The following NEK3 variants were observed in gnomAD, a reference collection of about 807,000 sequenced individuals.
NEK3 encodes the protein serine/threonine-protein kinase Nek3.
In NEK3, 54 loss-of-function variants were observed where a neutral mutation model predicts 66.0. That is an observed-to-expected ratio of 0.82 (90% CI 0.66 to 1.03). NEK3 has a LOEUF of 1.03. Ranked by LOEUF, NEK3 falls within the 50% of genes least tolerant of loss-of-function variation. The pLI is 0.00. For synonymous variants in NEK3, 200 were observed against 206.2 expected (o/e 0.97, Z 0.26); for missense variants, 593 against 603.0 (o/e 0.98, Z 0.17).
At chr13:52,144,620 T>G in intron 9 of NEK3, 71 bp downstream of exon 9, 1 of 1,205,264 alleles carries the variant, frequency 8.3e-7, no homozygotes, top group Non-Finnish European at 1.2e-6. Flanking sequence ...TAATGTATAA[T>G]GTTAAAAGAT....
intron 11 of NEK3, among the ~76,000 whole-genome samples, chr13:52,140,332 G>A (rs1378394097): frequency 1.3e-5 from 2 of 151,988 alleles, no homozygotes; most frequent in Admixed American, 6.6e-5. Flanking sequence ...ATGGAGGCCG[G>A]GCACGGTGGC....
At chr13:52,148,526 A>C (rs1594027608) in intron 7 of NEK3, 57 bp from the exon 8 acceptor site, 1 of 1,465,934 alleles carries the variant, frequency 6.8e-7, no homozygotes. Flanking sequence ...TCTAGTACAA[A>C]AAATAATTTC....
chr13:52,155,715 C>T (rs1160287921), intron 2 of NEK3, among the ~76,000 whole-genome samples: 2 of 152,160 alleles, frequency 1.3e-5, no homozygotes, highest in African/African-American at 4.8e-5. Context: ...CTTATTTTGT[C>T]ACCAAGGCTG....
chr13:52,133,976 T>TA (rs1328117849), intron 14 of NEK3, 161 bp from the exon 15 acceptor site: 7 of 658,564 alleles, frequency 1.1e-5, no homozygotes, highest in Non-Finnish European at 1.8e-5. Flanking sequence ...ATTGTAGGCA[T>TA]AAAACAGGCC....
chr13:52,133,116 G>A lies in NEK3; in HGVS notation c.*26C>T, dbSNP rs773626543. 8.3e-6 allele frequency: 13 copies of A among 1,572,844 alleles called. No individual in the cohort carries two copies. The East Asian group carries it at 1.8e-4, about 22-fold the overall frequency. On this transcript the variant is annotated 3_prime_UTR_variant, in exon 16 of 16. Transcript: ENST00000610828. ...CTCCTGAGTGAAGCCTCTCCTCAGC[G>A]TGACTCAGGAACATTTCCTCAGGCA...
intron 11 of NEK3, 62 bp downstream of exon 11, chr13:52,140,958 G>T: frequency 7.4e-7 from 1 of 1,359,252 alleles, no homozygotes; most frequent in Non-Finnish European, 1.0e-6. Context: ...GGGATTACAG[G>T]CTTGCACCAC....
intron 14 of NEK3, 62 bp downstream of exon 14, chr13:52,135,667 A>C: frequency 3.5e-6 from 5 of 1,442,490 alleles, no homozygotes; most frequent in Non-Finnish European, 4.7e-6. Context: ...TATGTTATAT[A>C]TATTTGCCAC....
At position 52,133,200 on chromosome 13, in the gene NEK3, G is replaced by A. The variant is rs577781797; in HGVS notation, c.1463C>T (p.Pro488Leu). ...CTTCTTCAGCTCTGACACCCAGTCG[G>A]GGTTGTCATCTTCCTCCTCAAAGTC... is the stretch of plus-strand genomic sequence containing the variant. ...DTDFEEEDDNPDWVSELKKRA... is the reference protein window; with the variant it reads ...DTDFEEEDDNLDWVSELKKRA... The change falls in exon 16 of 16, where the codon CCC (proline) becomes CTC (leucine). Residue 488 changes from proline to leucine, a missense_variant. Pro to Leu is a moderately conservative substitution (Grantham distance 98). Coordinates refer to ENST00000610828, the MANE Select transcript of NEK3 (RefSeq NM_002498.3). 44 of 1,609,266 alleles carry A rather than the reference G, an allele frequency of 2.7e-5. No individual in the cohort carries two copies. In the South Asian group the frequency reaches 4.2e-4, roughly 16 times the overall value.
chr13:52,135,948 TAG>T, intron 13 of NEK3, 85 bp from the exon 14 acceptor site: 1 of 1,527,618 alleles, frequency 6.5e-7, no homozygotes. Flanking sequence ...CAAGCGAAGT[TAG>T]TTATATTTGA....
At chr13:52,138,389 C>G (rs1202868296) in intron 11 of NEK3, among the ~76,000 whole-genome samples, 1 of 152,124 alleles carries the variant, frequency 6.6e-6, no homozygotes, top group East Asian at 1.9e-4. Context: ...CAAAATTTAT[C>G]AAATTGTGCA....
intron 11 of NEK3, among the ~76,000 whole-genome samples, chr13:52,137,741 GA>G (rs2138191147): frequency 6.6e-6 from 1 of 152,258 alleles, no homozygotes; most frequent in Admixed American, 6.5e-5. Context: ...TCCCATTGAG[GA>G]TCACTGCTTT....
intron 13 of NEK3, 88 bp from the exon 14 acceptor site, chr13:52,135,951 T>C: frequency 1.3e-6 from 2 of 1,527,410 alleles, no homozygotes; most frequent in Non-Finnish European, 1.8e-6. Context: ...GCGAAGTTAG[T>C]TATATTTGAC....
chr13:52,150,660 T>C (rs1011388734), intron 7 of NEK3, among the ~76,000 whole-genome samples: 5 of 65,064 alleles, frequency 7.7e-5, no homozygotes, highest in African/African-American at 2.0e-4. Context: ...GCAATCAACT[T>C]ACCTTATAAT....
intron 5 of NEK3, 138 bp downstream of exon 5, chr13:52,152,471 T>A: frequency 2.0e-6 from 1 of 500,358 alleles, no homozygotes. Context: ...AATTTAAATT[T>A]GAAAAGTAAA....
chr13:52,150,811 C>A (rs1956338516), intron 7 of NEK3, among the ~76,000 whole-genome samples: 1 of 152,138 alleles, frequency 6.6e-6, no homozygotes, highest in South Asian at 2.1e-4. Context: ...AGTGTAGACG[C>A]AACCTGGGAT....
At chr13:52,156,381 C>T in intron 1 of NEK3, 133 bp from the exon 2 acceptor site, 1 of 426,252 alleles carries the variant, frequency 2.3e-6, no homozygotes. Flanking sequence ...TGTATGCTAC[C>T]CCAAAATATG....
chr13:52,148,537 T>G (rs1956313242), intron 7 of NEK3, 68 bp from the exon 8 acceptor site: 6 of 1,366,010 alleles, frequency 4.4e-6, no homozygotes, highest in Non-Finnish European at 6.3e-6. Context: ...AAATAATTTC[T>G]TACCTTTAAT....
At position 52,136,182 on chromosome 13, in the gene NEK3, T is replaced by C. The variant is rs758988243; in HGVS notation, c.1108A>G (p.Thr370Ala). ...RRQWEKNVPN[T>A]ALTALENASI... Reference sequence around the variant, plus strand: ...GCATTTTCCAAAGCTGTAAGAGCTGTATTGGGTACATTTTTCTCCCACTGT... The same window carrying C: ...GCATTTTCCAAAGCTGTAAGAGCTGCATTGGGTACATTTTTCTCCCACTGT... Residue 370 changes from threonine to alanine, a missense_variant, in exon 13 of 16, where the codon ACA becomes GCA. Coordinates refer to ENST00000610828, the MANE Select transcript of NEK3 (RefSeq NM_002498.3). The C allele has an allele frequency of 1.3e-5, 21 of 1,613,720 alleles. No individual in the cohort carries two copies. The highest frequency in any genetic ancestry group is 1.8e-5 in the Non-Finnish European group (21 of 1,179,762).
chr13:52,141,645 C>G (rs77328317), intron 10 of NEK3, among the ~76,000 whole-genome samples: 1 of 152,118 alleles, frequency 6.6e-6, no homozygotes, highest in East Asian at 1.9e-4. Flanking sequence ...CAAGAGTGAG[C>G]AAATCAGATG....
Sources: gnomAD v4.1 joint callset for allele counts (sites outside exome capture counted in the v4.1 genomes callset) on GRCh38, gnomAD v4.1.1 for gene constraint, MANE v1.5 for transcripts, NCBI Gene and HGNC (gene_info 2026-07-23, HGNC 2026-07-21) for gene names.